Variants in METTL15 observed in about 807,000 individuals in gnomAD.
METTL15 encodes 12S rRNA N(4)-cytidine methyltransferase METTL15.
A neutral mutation model predicts 38.3 loss-of-function variants in METTL15; 34 were observed. That is an observed-to-expected ratio of 0.89 (90% CI 0.68 to 1.18). The LOEUF (loss-of-function observed/expected upper bound fraction) is 1.18. Among genes scored for constraint, METTL15 ranks in the 50% most tolerant of loss-of-function variants. The pLI is 0.00. For missense variants in METTL15, 438 were observed against 498.4 expected (o/e 0.88, Z 1.15); for synonymous variants, 162 against 170.9 (o/e 0.95, Z 0.41).
chr11:28,339,381 T>TA (rs893833243), intron 3 of METTL15, among the ~76,000 whole-genome samples: 4 of 151,754 alleles, frequency 2.6e-5, no homozygotes, highest in Non-Finnish European at 5.9e-5. Flanking sequence ...CTATAAAAAA[T>TA]AAAAATTCTA....
intron 5 of METTL15, among the ~76,000 whole-genome samples, chr11:28,392,953 A>G (rs1844950043): frequency 2.0e-5 from 3 of 152,116 alleles, no homozygotes; most frequent in Admixed American, 2.0e-4. Flanking sequence ...TAATGATAAG[A>G]TATCACCTCA....
intron 5 of METTL15, among the ~76,000 whole-genome samples, chr11:28,290,813 A>G (rs1054224342): frequency 6.6e-6 from 1 of 151,986 alleles, no homozygotes; most frequent in Admixed American, 6.6e-5. Flanking sequence ...AGAAAAAAAA[A>G]AAAGGCAAGA....
intron 6 of METTL15, chr11:28,328,233 A>C (rs1849701828): frequency 6.8e-7 from 1 of 1,461,186 alleles, no homozygotes; most frequent in African/African-American, 1.4e-5. Context: ...TGGTTGTTGG[A>C]AGATAAATCC....
At chr11:28,210,697 C>T (rs1043442425) in intron 3 of METTL15, among the ~76,000 whole-genome samples, 1 of 151,848 alleles carries the variant, frequency 6.6e-6, no homozygotes. Context: ...AATTGTAAGC[C>T]ATCTCTAAAT....
intron 6 of METTL15, among the ~76,000 whole-genome samples, chr11:28,486,558 C>A (rs1851441192): frequency 6.6e-6 from 1 of 152,072 alleles, no homozygotes; most frequent in Admixed American, 6.6e-5. Context: ...CCTGATGCTG[C>A]CAGGATTGTT....
intron 6 of METTL15, among the ~76,000 whole-genome samples, chr11:28,444,569 G>A (rs1200639967): frequency 1.3e-5 from 2 of 152,152 alleles, no homozygotes; most frequent in African/African-American, 4.8e-5. Flanking sequence ...CATAAAGTTT[G>A]ATTAATGGCC....
At chr11:28,125,431 T>G (rs549776969) in intron 3 of METTL15, 1 of 152,076 alleles carries the variant, frequency 6.6e-6, no homozygotes, top group Non-Finnish European at 1.5e-5. Flanking sequence ...CTGATGATAT[T>G]ATATCTGAGT....
chr11:28,349,513 T>G (rs1001654014), intron 3 of METTL15, among the ~76,000 whole-genome samples: 16 of 152,218 alleles, frequency 1.1e-4, no homozygotes, highest in Admixed American at 3.9e-4. Flanking sequence ...CTATTTGCTT[T>G]AAAAAGAGAA....
chr11:28,266,560 G>T (rs1590235968), intron 4 of METTL15, among the ~76,000 whole-genome samples: 1 of 152,022 alleles, frequency 6.6e-6, no homozygotes, highest in African/African-American at 2.4e-5. Context: ...CAGTTGCTCT[G>T]CCCAAAATCC....
intron 6 of METTL15, among the ~76,000 whole-genome samples, chr11:28,429,799 CGT>C (rs1181543931): frequency 4.5e-5 from 1 of 22,398 alleles, no homozygotes; most frequent in Non-Finnish European, 8.1e-5. Context: ...AAGTGAGGAG[CGT>C]CTCTGCCTGG....
chr11:28,254,702 A>G (rs556873301), intron 4 of METTL15, among the ~76,000 whole-genome samples: 2 of 152,268 alleles, frequency 1.3e-5, no homozygotes, highest in Admixed American at 1.3e-4. Context: ...GCAAATGGAT[A>G]TACAGTTTTC....
chr11:28,481,381 G>T (rs1307966912), intron 6 of METTL15, among the ~76,000 whole-genome samples: 3 of 152,134 alleles, frequency 2.0e-5, no homozygotes, highest in Non-Finnish European at 4.4e-5. Flanking sequence ...ACACCTTCTT[G>T]TCCTTCTGCA....
intron 4 of METTL15, among the ~76,000 whole-genome samples, chr11:28,253,446 G>C (rs1854830504): frequency 6.6e-6 from 1 of 152,092 alleles, no homozygotes; most frequent in Non-Finnish European, 1.5e-5. Flanking sequence ...TTTATTCTTT[G>C]AGTGAAAATC....
At chr11:28,282,793 G>A (rs1336350267) in intron 4 of METTL15, among the ~76,000 whole-genome samples, 2 of 152,112 alleles carry the variant, frequency 1.3e-5, no homozygotes. Context: ...ATGTGTAAGT[G>A]AGGCCATGTG....
At chr11:28,158,142 A>G (rs1268465925) in intron 3 of METTL15, among the ~76,000 whole-genome samples, 2 of 152,130 alleles carry the variant, frequency 1.3e-5, no homozygotes, top group African/African-American at 2.4e-5. Flanking sequence ...TTGGTGATGA[A>G]GAAATTTGGG....
intron 5 of METTL15, among the ~76,000 whole-genome samples, chr11:28,393,746 T>C (rs1850538331): frequency 6.6e-6 from 1 of 152,114 alleles, no homozygotes; most frequent in African/African-American, 2.4e-5. Flanking sequence ...TCTTCAGTAC[T>C]CTTTTGGTCA....
At chr11:28,131,322 C>T (rs1394276826) in intron 3 of METTL15, among the ~76,000 whole-genome samples, 3 of 152,140 alleles carry the variant, frequency 2.0e-5, no homozygotes, top group East Asian at 1.9e-4. Context: ...TCTCAACCTC[C>T]TGTCCACATT....
At chr11:28,430,189 G>A (rs1005230487) in intron 6 of METTL15, among the ~76,000 whole-genome samples, 14 of 151,044 alleles carry the variant, frequency 9.3e-5, no homozygotes, top group Middle Eastern at 3.5e-3. Flanking sequence ...AGTGAGGAGC[G>A]TCTCCACCCG....
At chr11:28,205,048 A>G (rs1475562194) in intron 3 of METTL15, among the ~76,000 whole-genome samples, 4 of 151,816 alleles carry the variant, frequency 2.6e-5, no homozygotes, top group African/African-American at 9.7e-5. Flanking sequence ...GTTCCTGTGC[A>G]TTTCTTTGTT....
Sources: gnomAD v4.1 joint callset for allele counts (sites outside exome capture counted in the v4.1 genomes callset) on GRCh38, gnomAD v4.1.1 for gene constraint, MANE v1.5 for transcripts, NCBI Gene and HGNC (gene_info 2026-07-23, HGNC 2026-07-21) for gene names.